The following ZNF469 variants were observed in gnomAD, a reference collection of about 807,000 sequenced individuals.
The protein encoded by ZNF469 is zinc finger protein 469.
In ZNF469, 1 loss-of-function variant was observed where a neutral mutation model predicts 1.0. The ratio of observed to expected loss-of-function variants is 1.00; its 90% CI spans 0.35 to 4.73. ZNF469 has a LOEUF of 4.73. Among genes scored for constraint, ZNF469 ranks in the 30% most tolerant of loss-of-function variants. ZNF469 has a pLI of 0.16. For synonymous variants in ZNF469, 2,703 were observed against 2,363.4 expected, an observed-to-expected ratio of 1.14 and a Z score of -4.17; for missense variants, 6,100 against 5,356.3, an observed-to-expected ratio of 1.14 and a Z score of -4.33.
chr16:88,143,961 T>C, the ZNF469 span, among the ~76,000 whole-genome samples: 1 of 152,046 alleles, frequency 6.6e-6, no homozygotes, highest in Admixed American at 6.5e-5. Context: ...GGGCCTCCCA[T>C]CTGCCCTTCC....
Position 88,438,370 on chromosome 16 carries a change from G to A in ZNF469, c.10900G>A (p.Ala3634Thr), listed in dbSNP as rs533583323. ...RRAPGARGRC[A>T]PDHFQEDHLL... ...GGCCCCGGGTGCCCGTGGCAGGTGTGCCCCTGACCATTTCCAGGAAGACCA... is the reference window on the plus strand; with the variant it reads ...GGCCCCGGGTGCCCGTGGCAGGTGTACCCCTGACCATTTCCAGGAAGACCA... The change falls in exon 3 of 3, where the codon GCC becomes ACC. Residue 3634 changes from alanine to threonine, a missense_variant. Ala to Thr is a moderately conservative substitution (Grantham distance 58, BLOSUM62 0). Coordinates refer to ENST00000565624, the MANE Select transcript of ZNF469 (RefSeq NM_001367624.2). 56 of 1,550,178 alleles carry A rather than the reference G, an allele frequency of 3.6e-5. No homozygotes were observed. Among genetic ancestry groups the A allele is most frequent in the South Asian group, 2.7e-4 (23 of 84,056 alleles).
At chr16:88,122,147 A>AT in the ZNF469 span, among the ~76,000 whole-genome samples, 1 of 145,390 alleles carries the variant, frequency 6.9e-6, no homozygotes, top group South Asian at 2.2e-4. Flanking sequence ...CTCAGATCAC[A>AT]CCCCGTCACT....
chr16:88,160,698 G>T, the ZNF469 span, among the ~76,000 whole-genome samples: 5 of 152,098 alleles, frequency 3.3e-5, no homozygotes, highest in East Asian at 3.9e-4. Context: ...TTAGGGTTGA[G>T]GCACTGCTGT....
the ZNF469 span, among the ~76,000 whole-genome samples, chr16:88,102,026 G>C: frequency 3.3e-5 from 5 of 152,032 alleles, no homozygotes; most frequent in African/African-American, 1.2e-4. Flanking sequence ...TGAGCTTAGC[G>C]ACAGGCCGGC....
At chr16:88,332,933 AC>A in the ZNF469 span, among the ~76,000 whole-genome samples, 1 of 149,550 alleles carries the variant, frequency 6.7e-6, no homozygotes, top group African/African-American at 2.5e-5. Context: ...TGACCTTCCC[AC>A]CCCCCTGTCA....
chr16:88,251,536 G>GTGTTTTTTTTTTTTTTTTTT, the ZNF469 span, among the ~76,000 whole-genome samples: 12 of 78,800 alleles, frequency 1.5e-4, no homozygotes, highest in Admixed American at 3.2e-4. Context: ...TGTCCCTGCT[G>GTGTTTTTTTTTTTTTTTTTT]TCTTTTTTTT....
rs573889729 is a variant in ZNF469, at chr16:88,431,817, C to G, written c.4347C>G (p.Thr1449=). The change falls in exon 3 of 3, where the codon ACC becomes ACG. Residue 1449 remains threonine (T), a synonymous_variant. Transcript: ENST00000565624. ...TEPGRAASPP[T]LESSSLFPDL... ...CAGGCAGGGCTGCATCGCCACCGAC[C>G]TTGGAGTCCTCATCCCTCTTCCCAG... The G allele has an allele frequency of 6.5e-7, 1 of 1,549,656 alleles. No individual in the cohort carries two copies. Among genetic ancestry groups the G allele is most frequent in the African/African-American group, 1.4e-5 (1 of 73,052 alleles).
At chr16:88,327,017 G>A in the ZNF469 span, among the ~76,000 whole-genome samples, 8 of 152,164 alleles carry the variant, frequency 5.3e-5, no homozygotes, top group East Asian at 3.9e-4. Context: ...GGGTCAGGGC[G>A]GCCCCGCCTC....
intron 2 of ZNF469, among the ~76,000 whole-genome samples, chr16:88,426,059 C>T (rs1483554946): frequency 6.6e-6 from 1 of 152,232 alleles, no homozygotes; most frequent in African/African-American, 2.4e-5. Context: ...AGTCCCCAGG[C>T]GGCTGTAGTG....
rs142967775 is a variant in ZNF469 at position 88,438,400 on chromosome 16, C to T, written c.10930C>T (p.Leu3644Phe). 6.5e-7 allele frequency: 1 copy of T among 1,550,130 alleles called. No homozygotes were observed. The highest frequency in any genetic ancestry group is 1.4e-5 in the African/African-American group (1 of 73,182). ...TGACCATTTCCAGGAAGACCACCTA[C>T]TTCAGAAAGAGAAGGAGGTGTCCTC... ...APDHFQEDHL[L>F]QKEKEVSSSH... is the part of the protein sequence containing the mutation. The change falls in exon 3 of 3, where the codon CTT (leucine) becomes TTT (phenylalanine). Residue 3644 changes from leucine to phenylalanine, a missense_variant. Leu to Phe is a conservative substitution (Grantham distance 22). Coordinates refer to ENST00000565624, the MANE Select transcript of ZNF469 (RefSeq NM_001367624.2).
At chr16:88,252,036 G>C in the ZNF469 span, among the ~76,000 whole-genome samples, 1 of 149,868 alleles carries the variant, frequency 6.7e-6, no homozygotes, top group East Asian at 2.0e-4. Context: ...AATTTCCACA[G>C]CTCTGCCAGC....
chr16:88,148,534 G>A, the ZNF469 span, among the ~76,000 whole-genome samples: 2 of 152,188 alleles, frequency 1.3e-5, no homozygotes, highest in African/African-American at 4.8e-5. Flanking sequence ...CCTGGCTGCG[G>A]CACCAATGTC....
chr16:88,173,072 T>G, the ZNF469 span, among the ~76,000 whole-genome samples: 2 of 152,136 alleles, frequency 1.3e-5, no homozygotes, highest in African/African-American at 4.8e-5. Context: ...TGGCCAAACG[T>G]TTTTTGAATT....
At chr16:88,277,573 C>CATT in the ZNF469 span, among the ~76,000 whole-genome samples, 12 of 150,328 alleles carry the variant, frequency 8.0e-5, no homozygotes, top group East Asian at 2.0e-4. Flanking sequence ...GTGTAGATAT[C>CATT]AGGGCACGGT....
At chr16:88,288,904 A>C in the ZNF469 span, among the ~76,000 whole-genome samples, 8 of 152,208 alleles carry the variant, frequency 5.3e-5, no homozygotes, top group African/African-American at 1.9e-4. Flanking sequence ...CAGTACCAGA[A>C]AGTCATTTAA....
the ZNF469 span, among the ~76,000 whole-genome samples, chr16:88,206,432 C>G: frequency 6.0e-3 from 909 of 152,264 alleles, 16 homozygotes; most frequent in South Asian, 0.06. Context: ...TTCCTAAGAG[C>G]AAGCAGAGGC....
At chr16:88,339,269 G>A in the ZNF469 span, among the ~76,000 whole-genome samples, 2 of 43,478 alleles carry the variant, frequency 4.6e-5, no homozygotes, top group Non-Finnish European at 9.4e-5. Context: ...GGGACAGACT[G>A]GCAGGGGAAT....
chr16:88,230,994 C>A, the ZNF469 span, among the ~76,000 whole-genome samples: 1 of 152,146 alleles, frequency 6.6e-6, no homozygotes, highest in Non-Finnish European at 1.5e-5. Context: ...ACGGCTGGAA[C>A]TCTAAAAGTC....
At chr16:88,297,798 G>A in the ZNF469 span, among the ~76,000 whole-genome samples, 1 of 152,172 alleles carries the variant, frequency 6.6e-6, no homozygotes. Flanking sequence ...TAGTCCTGTG[G>A]CCCCTTCTCC....
Sources: gnomAD v4.1 joint callset for allele counts (sites outside exome capture counted in the v4.1 genomes callset) on GRCh38, gnomAD v4.1.1 for gene constraint, MANE v1.5 for transcripts, NCBI Gene and HGNC (gene_info 2026-07-23, HGNC 2026-07-21) for gene names.